KCNMA1: variants seen among roughly 807,000 people sequenced by gnomAD.
The protein encoded by KCNMA1 is Calcium-activated potassium channel subunit alpha-1.
KCNMA1 carries 29 observed loss-of-function variants against 140.0 expected under a neutral mutation model. The observed-to-expected ratio is 0.21, with a 90% CI of 0.15 to 0.28. The LOEUF is 0.28. Ranked by LOEUF, KCNMA1 falls within the 10% of genes least tolerant of loss-of-function variation. The pLI is 1.00. For synonymous variants in KCNMA1, 612 were observed against 611.9 expected, an observed-to-expected ratio of 1.00 and a Z score of 0.00; for missense variants, 880 against 1,602.2, an observed-to-expected ratio of 0.55 and a Z score of 7.70.
At chr10:77,606,584 TG>T (rs2154567205) in intron 1 of KCNMA1, among the ~76,000 whole-genome samples, 1 of 152,248 alleles carries the variant, frequency 6.6e-6, no homozygotes, top group South Asian at 2.1e-4. Context: ...CACTCTAGCC[TG>T]GGCAACAGAG....
At chr10:77,312,836 T>G (rs907233083) in intron 2 of KCNMA1, among the ~76,000 whole-genome samples, 2 of 152,280 alleles carry the variant, frequency 1.3e-5, no homozygotes, top group East Asian at 3.9e-4. Flanking sequence ...ATTGTATGCA[T>G]GAAGAAGCAG....
In KCNMA1 at chr10:77,324,971, C is replaced by CTCTGTGTG. The variant is rs766240356; in HGVS notation, c.541-73716_541-73715insCACACAGA. Among the ~76,000 whole-genome samples the CTCTGTGTG allele has an allele frequency of 4.9e-4, 44 of 90,450 alleles. 1 individual carries two copies. The highest frequency in any genetic ancestry group is 1.3e-3 in the African/African-American group (28 of 21,676). 59.3% of individuals were successfully genotyped at this position (90,450 alleles called of 152,430 possible). On this transcript the variant is annotated intron_variant, in intron 2 of 27. Transcript: ENST00000286628. ...TCTCTCTCTCTCTCTCTCTCTCTCTCTGTGTGTGTGTGTGTGTGTGTGTGT... is the reference window on the plus strand; with the variant it reads ...TCTCTCTCTCTCTCTCTCTCTCTCTCTCTGTGTGTGTGTGTGTGTGTGTGTGTGTGTGT...
rs552923857 is a variant in KCNMA1 at position 77,185,539 on chromosome 10, T to C, written c.603-623A>G. The stretch of plus-strand genomic sequence containing the variant: ...CTCGGATCTGGGGAAAGAAGCATTG[T>C]CCGACCAGTCAAATTCAGACCATTA... On this transcript the variant is annotated intron_variant, in intron 3 of 27. Transcript: ENST00000286628. Among the ~76,000 whole-genome samples, 11 of 152,100 alleles carry C rather than the reference T, an allele frequency of 7.2e-5. No homozygotes were observed. In the South Asian group the frequency reaches 1.7e-3, roughly 23 times the overall value.
chr10:77,218,788 G>A (rs1418701028), intron 3 of KCNMA1, among the ~76,000 whole-genome samples: 1 of 152,182 alleles, frequency 6.6e-6, no homozygotes, highest in Non-Finnish European at 1.5e-5. Context: ...CTGGGTTCAA[G>A]TGATTCTCCT....
intron 2 of KCNMA1, among the ~76,000 whole-genome samples, chr10:77,318,963 G>A (rs979876132): frequency 1.3e-5 from 2 of 152,152 alleles, no homozygotes; most frequent in African/African-American, 4.8e-5. Flanking sequence ...AAGAGAAGGA[G>A]GCAGAAGTGC....
intron 1 of KCNMA1, among the ~76,000 whole-genome samples, chr10:77,434,590 G>T (rs582449): frequency 0.82 from 125,154 of 152,120 alleles, 51,718 homozygotes; most frequent in Admixed American, 0.86. Flanking sequence ...CATCTCTCAC[G>T]ACAGGACCCC....
At chr10:76,907,255 T>C (rs1196793182) in intron 25 of KCNMA1, among the ~76,000 whole-genome samples, 2 of 152,226 alleles carry the variant, frequency 1.3e-5, no homozygotes, top group East Asian at 1.9e-4. Flanking sequence ...TCAAAGGAGA[T>C]GAGAGATGGC....
At chr10:77,324,125 C>T (rs966702322) in intron 2 of KCNMA1, among the ~76,000 whole-genome samples, 13 of 152,176 alleles carry the variant, frequency 8.5e-5, no homozygotes, top group African/African-American at 2.7e-4. Flanking sequence ...TCATTGCAAG[C>T]CACTGTGGGC....
intron 1 of KCNMA1, among the ~76,000 whole-genome samples, chr10:77,429,006 GCTC>G (rs2154493131): frequency 6.6e-6 from 1 of 152,284 alleles, no homozygotes; most frequent in East Asian, 1.9e-4. Flanking sequence ...CTAGCCACCA[GCTC>G]TCAGGCTGCC....
chr10:77,225,026 G>A (rs1274815337), intron 3 of KCNMA1, among the ~76,000 whole-genome samples: 1 of 152,158 alleles, frequency 6.6e-6, no homozygotes, highest in Non-Finnish European at 1.5e-5. Context: ...CCAGCACAGA[G>A]CATGGTGCAG....
chr10:76,915,260 G>A (rs1463076533), intron 23 of KCNMA1, among the ~76,000 whole-genome samples: 1 of 152,136 alleles, frequency 6.6e-6, no homozygotes, highest in Admixed American at 6.5e-5. Flanking sequence ...TCACTTCATA[G>A]TTCCCTAAAA....
At chr10:76,922,287 G>A (rs1176084233) in intron 23 of KCNMA1, among the ~76,000 whole-genome samples, 1 of 152,138 alleles carries the variant, frequency 6.6e-6, no homozygotes, top group Non-Finnish European at 1.5e-5. Flanking sequence ...TATATCCAAG[G>A]TCACAGAACC....
At chr10:77,364,103 A>G (rs2094181315) in intron 2 of KCNMA1, among the ~76,000 whole-genome samples, 1 of 152,092 alleles carries the variant, frequency 6.6e-6, no homozygotes, top group Admixed American at 6.5e-5. Context: ...ACTTCATTCA[A>G]TCACTTATAA....
chr10:77,170,009 G>A lies in KCNMA1; in HGVS notation c.808+13412C>T, dbSNP rs568212372. Among the ~76,000 whole-genome samples the A allele has an allele frequency of 2.1e-4, 32 of 152,200 alleles. No homozygotes were observed. In the South Asian group the frequency reaches 5.0e-3, roughly 24 times the overall value. On this transcript the variant is annotated intron_variant, in intron 5 of 27. Coordinates refer to ENST00000286628, the MANE Select transcript of KCNMA1 (RefSeq NM_001161352.2). ...TGTTCAAGACCAGCCTGTCCAACAT[G>A]GTGAAACCCCATCTCTACTAAAAAT...
chr10:76,943,856 G>A (rs1480823630), intron 23 of KCNMA1, among the ~76,000 whole-genome samples: 1 of 152,146 alleles, frequency 6.6e-6, no homozygotes, highest in East Asian at 1.9e-4. Flanking sequence ...TCAGACACTT[G>A]CCAAGCTATC....
intron 19 of KCNMA1, among the ~76,000 whole-genome samples, chr10:76,989,732 A>G (rs2082225929): frequency 6.6e-6 from 1 of 152,046 alleles, no homozygotes; most frequent in Non-Finnish European, 1.5e-5. Flanking sequence ...TTCAACTCTC[A>G]GCCACTATCT....
intron 1 of KCNMA1, among the ~76,000 whole-genome samples, chr10:77,439,757 G>A (rs2097355309): frequency 6.6e-6 from 1 of 152,182 alleles, no homozygotes; most frequent in Non-Finnish European, 1.5e-5. Flanking sequence ...GATACCTCCT[G>A]TGTCTTTTAG....
chr10:76,915,453 G>A (rs1452360351), intron 23 of KCNMA1, among the ~76,000 whole-genome samples: 1 of 152,090 alleles, frequency 6.6e-6, no homozygotes, highest in Admixed American at 6.5e-5. Flanking sequence ...TTCAGGTATT[G>A]GACAGCCATC....
chr10:77,321,938 A>T lies in KCNMA1; in HGVS notation c.541-70682T>A, dbSNP rs2082459075. Reference sequence around the variant, plus strand: ...GATGATACCAACTGCATTAATCAGGATAGACAAGGTTATGCTGCAGTAACA... The same window carrying T: ...GATGATACCAACTGCATTAATCAGGTTAGACAAGGTTATGCTGCAGTAACA... On this transcript the variant is annotated intron_variant, in intron 2 of 27. Coordinates refer to ENST00000286628, the MANE Select transcript of KCNMA1 (RefSeq NM_001161352.2). Among the ~76,000 whole-genome samples, 3 of 152,350 alleles carry T rather than the reference A, an allele frequency of 2.0e-5. No individual in the cohort carries two copies. In the South Asian group the frequency reaches 6.2e-4, roughly 32 times the overall value.
Sources: allele counts gnomAD v4.1 joint callset (sites outside exome capture counted in the v4.1 genomes callset), GRCh38; gene constraint gnomAD v4.1.1; transcripts MANE v1.5; gene names NCBI Gene and HGNC (gene_info 2026-07-23, HGNC 2026-07-21).